Variants in DPP10 observed in about 807,000 individuals in gnomAD.
The protein encoded by DPP10 is inactive dipeptidyl peptidase 10.
A neutral mutation model predicts 120.9 loss-of-function variants in DPP10; 33 were observed. That is an observed-to-expected ratio of 0.27 (90% CI 0.21 to 0.37). DPP10 has a LOEUF of 0.37. Ranked by LOEUF, DPP10 falls within the 10% of genes least tolerant of loss-of-function variation. DPP10 has a pLI of 1.00. For missense variants in DPP10, 816 were observed against 942.8 expected (o/e 0.87, Z 1.76); for synonymous variants, 337 against 326.1 (o/e 1.03, Z -0.36).
At chr2:114,602,162 GAGCCAT>G (rs1692424779) in intron 1 of DPP10, among the ~76,000 whole-genome samples, 1 of 151,710 alleles carries the variant, frequency 6.6e-6, no homozygotes, top group Non-Finnish European at 1.5e-5. Context: ...AATACACATA[GAGCCAT>G]GAAAGTTGAA....
chr2:114,960,385 T>TATAC (rs1015822193), intron 1 of DPP10, among the ~76,000 whole-genome samples: 5 of 150,112 alleles, frequency 3.3e-5, no homozygotes, highest in South Asian at 2.1e-4. Flanking sequence ...TATATATATA[T>TATAC]ACTTTTGTTG....
At chr2:114,988,628 T>C (rs1393431966) in intron 1 of DPP10, among the ~76,000 whole-genome samples, 1 of 152,234 alleles carries the variant, frequency 6.6e-6, no homozygotes, top group Non-Finnish European at 1.5e-5. Flanking sequence ...TTTTCTCATC[T>C]ATCGTTCGTC....
intron 1 of DPP10, among the ~76,000 whole-genome samples, chr2:114,824,518 G>T (rs1321030854): frequency 1.3e-5 from 2 of 152,050 alleles, no homozygotes; most frequent in African/African-American, 4.8e-5. Flanking sequence ...GACAAAAGGT[G>T]GTTCTGTGCC....
intron 5 of DPP10, among the ~76,000 whole-genome samples, chr2:115,624,508 C>T (rs1228235098): frequency 1.3e-5 from 2 of 152,186 alleles, no homozygotes; most frequent in African/African-American, 2.4e-5. Flanking sequence ...TCTGCTGCTA[C>T]GTGCAGCCCA....
intron 1 of DPP10, among the ~76,000 whole-genome samples, chr2:114,517,291 C>T (rs898204026): frequency 2.0e-5 from 3 of 152,074 alleles, no homozygotes; most frequent in African/African-American, 4.8e-5. Flanking sequence ...GAGGCCGAGG[C>T]GGGAGGATCA....
chr2:115,397,538 A>T (rs2067770457), intron 3 of DPP10, among the ~76,000 whole-genome samples: 1 of 152,174 alleles, frequency 6.6e-6, no homozygotes, highest in South Asian at 2.1e-4. Flanking sequence ...GACATATATG[A>T]ATTACAAAAC....
chr2:114,768,697 C>T (rs887414305), intron 1 of DPP10, among the ~76,000 whole-genome samples: 1 of 152,152 alleles, frequency 6.6e-6, no homozygotes, highest in Non-Finnish European at 1.5e-5. Flanking sequence ...AGCTATTATT[C>T]TGCCTACCAC....
intron 1 of DPP10, among the ~76,000 whole-genome samples, chr2:115,231,760 C>G (rs1422336881): frequency 1.3e-5 from 2 of 152,204 alleles, no homozygotes; most frequent in Non-Finnish European, 2.9e-5. Flanking sequence ...TTGTGGTTCA[C>G]TCTTTTCTGT....
At chr2:115,785,839 G>GA (rs375371066) in intron 17 of DPP10, among the ~76,000 whole-genome samples, 1 of 143,818 alleles carries the variant, frequency 7.0e-6, no homozygotes, top group Non-Finnish European at 1.5e-5. Context: ...TCTGATGTGG[G>GA]TTTTTTTTTT....
At chr2:114,957,696 G>A (rs1157777313) in intron 1 of DPP10, among the ~76,000 whole-genome samples, 2 of 152,266 alleles carry the variant, frequency 1.3e-5, no homozygotes, top group East Asian at 1.9e-4. Context: ...ACAGACCTAA[G>A]TGTACATCGA....
At chr2:114,937,587 C>T (rs762070057) in intron 1 of DPP10, among the ~76,000 whole-genome samples, 3 of 152,160 alleles carry the variant, frequency 2.0e-5, no homozygotes, top group Non-Finnish European at 4.4e-5. Context: ...CCAACTTTCT[C>T]TTGTGGCACT....
intron 1 of DPP10, among the ~76,000 whole-genome samples, chr2:115,147,679 A>G (rs1223703810): frequency 6.6e-6 from 1 of 152,174 alleles, no homozygotes; most frequent in Non-Finnish European, 1.5e-5. Context: ...ACCCAAAAAT[A>G]TAAGAATATA....
chr2:115,381,217 C>T (rs953654754), intron 3 of DPP10, among the ~76,000 whole-genome samples: 2 of 152,162 alleles, frequency 1.3e-5, no homozygotes, highest in African/African-American at 4.8e-5. Flanking sequence ...GGTCTTTTCC[C>T]TTAGTCCCAT....
At chr2:115,363,807 C>A (rs2064927466) in intron 3 of DPP10, among the ~76,000 whole-genome samples, 1 of 152,188 alleles carries the variant, frequency 6.6e-6, no homozygotes, top group African/African-American at 2.4e-5. Flanking sequence ...TTTGTCAAAG[C>A]ACCTGAGTGA....
intron 1 of DPP10, among the ~76,000 whole-genome samples, chr2:114,566,406 G>A (rs745355501): frequency 2.6e-5 from 4 of 152,178 alleles, no homozygotes; most frequent in Non-Finnish European, 5.9e-5. Flanking sequence ...CAAGAAAGTT[G>A]CAAAGAGAGT....
At chr2:114,624,468 A>C (rs1032134098) in intron 1 of DPP10, among the ~76,000 whole-genome samples, 1 of 151,988 alleles carries the variant, frequency 6.6e-6, no homozygotes. Context: ...GTGAATATAC[A>C]TGAGTAGCAT....
At chr2:114,608,098 C>T (rs919542928) in intron 1 of DPP10, among the ~76,000 whole-genome samples, 5 of 152,232 alleles carry the variant, frequency 3.3e-5, no homozygotes, top group Admixed American at 3.3e-4. Flanking sequence ...CGTAACTCTC[C>T]AAACACAAGT....
At chr2:115,591,260 G>A (rs1024562064) in intron 5 of DPP10, among the ~76,000 whole-genome samples, 9 of 152,190 alleles carry the variant, frequency 5.9e-5, no homozygotes, top group Non-Finnish European at 8.8e-5. Context: ...GTACTGCCTA[G>A]GTTTTCTTCT....
At chr2:115,777,745 A>G in intron 14 of DPP10, 42 bp from the exon 15 acceptor site, 4 of 1,598,892 alleles carry the variant, frequency 2.5e-6, no homozygotes, top group Non-Finnish European at 3.4e-6. Context: ...CACAAAAAAT[A>G]GATCTGTGTC....
Sources: gnomAD v4.1 joint callset for allele counts (sites outside exome capture counted in the v4.1 genomes callset) on GRCh38, gnomAD v4.1.1 for gene constraint, MANE v1.5 for transcripts, NCBI Gene and HGNC (gene_info 2026-07-23, HGNC 2026-07-21) for gene names.